Variants in SHANK2 observed in about 807,000 individuals in gnomAD.
SHANK2 encodes the protein SH3 and multiple ankyrin repeat domains protein 2.
A neutral mutation model predicts 133.7 loss-of-function variants in SHANK2; 43 were observed. The observed-to-expected ratio is 0.32, with a 90% CI of 0.25 to 0.41. SHANK2 has a LOEUF of 0.41. Among genes scored for constraint, SHANK2 ranks in the 10% least tolerant of loss-of-function variants. The pLI is 1.00. For missense variants in SHANK2, 1,994 were observed against 2,235.8 expected, an observed-to-expected ratio of 0.89 and a Z score of 2.18; for synonymous variants, 1,017 against 952.8, an observed-to-expected ratio of 1.07 and a Z score of -1.24.
chr11:70,869,782 G>A (rs1219691279), intron 11 of SHANK2, among the ~76,000 whole-genome samples: 2 of 152,204 alleles, frequency 1.3e-5, no homozygotes, highest in African/African-American at 4.8e-5. Flanking sequence ...CCATGGTGGT[G>A]TTGTTGGAAG....
At chr11:71,182,065 G>A (rs961122691) in intron 2 of SHANK2, among the ~76,000 whole-genome samples, 1 of 152,050 alleles carries the variant, frequency 6.6e-6, no homozygotes, top group South Asian at 2.1e-4. Flanking sequence ...TCTCTCCTGA[G>A]GAGGAACAGA....
intron 2 of SHANK2, among the ~76,000 whole-genome samples, chr11:71,154,612 C>T (rs1198818934): frequency 6.6e-6 from 1 of 152,226 alleles, no homozygotes; most frequent in Non-Finnish European, 1.5e-5. Flanking sequence ...CAAAAGCAGA[C>T]CTTCTGACAC....
rs781907518 is a variant in SHANK2 at position 70,686,203 on chromosome 11, TATCCATCCATCC to T, written c.1853+12473_1853+12484del. ...CCATCTACTCATCCACCCATCCATC[TATCCATCCATCC>T]ATCCATCCATCCATCCACCCACCCA... On this transcript the variant is annotated intron_variant, in intron 15 of 25. Transcript: ENST00000601538. Among the ~76,000 whole-genome samples, 6 of 101,736 alleles carry T rather than the reference TATCCATCCATCC, an allele frequency of 5.9e-5. No individual in the cohort carries two copies. In the East Asian group the frequency reaches 1.4e-3, roughly 23 times the overall value. 66.7% of individuals were successfully genotyped at this position (101,736 alleles called of 152,430 possible).
intron 11 of SHANK2, among the ~76,000 whole-genome samples, chr11:70,831,226 G>T (rs1948719983): frequency 6.6e-6 from 1 of 151,930 alleles, no homozygotes; most frequent in Non-Finnish European, 1.5e-5. Flanking sequence ...GAGTCTGTTT[G>T]TTGCCTGCCC....
chr11:70,678,532 C>CTTTTTTTTT lies in SHANK2; in HGVS notation c.1854-16863_1854-16855dup, dbSNP rs34446408. 2.5e-4 allele frequency among the ~76,000 whole-genome samples: 19 copies of CTTTTTTTTT among 77,072 alleles called. 1 individual carries two copies. Among genetic ancestry groups the CTTTTTTTTT allele is most frequent in the African/African-American group, 5.9e-4 (12 of 20,344 alleles). The allele number at this position is 77,072 out of a possible 152,430, so 50.6% of individuals were successfully genotyped here. ...TCATTTCCAGTCTGCTAAGAACAGG[C>CTTTTTTTTT]TTTTTTTTTTTTTTTTTTTTTTTGA... is the stretch of plus-strand genomic sequence containing the variant. On this transcript the variant is annotated intron_variant, in intron 15 of 25. Coordinates refer to ENST00000601538, the MANE Select transcript of SHANK2 (RefSeq NM_012309.5).
intron 3 of SHANK2, among the ~76,000 whole-genome samples, chr11:71,123,064 TCCATACGTGA>T (rs2135286330): frequency 6.6e-6 from 1 of 152,090 alleles, no homozygotes; most frequent in Admixed American, 6.5e-5. Flanking sequence ...CTCCCCTCCC[TCCATACGTGA>T]TGGGAGCCAC....
intron 11 of SHANK2, among the ~76,000 whole-genome samples, chr11:70,831,861 T>C (rs1026114110): frequency 5.3e-5 from 8 of 152,188 alleles, no homozygotes; most frequent in Non-Finnish European, 1.0e-4. Context: ...GAGCCGGACG[T>C]GGGAGTCAAG....
chr11:70,935,604 G>T (rs921838980), intron 10 of SHANK2, among the ~76,000 whole-genome samples: 5 of 152,086 alleles, frequency 3.3e-5, no homozygotes, highest in African/African-American at 1.2e-4. Context: ...TGGACATGAG[G>T]TCTTTTCTGA....
intron 1 of SHANK2, among the ~76,000 whole-genome samples, 179 bp from the exon 2 acceptor site, chr11:71,224,975 C>T (rs1954617162): frequency 6.6e-6 from 1 of 152,148 alleles, no homozygotes; most frequent in African/African-American, 2.4e-5. Context: ...AACTAAAACT[C>T]AGGATGCTGT....
At chr11:70,494,209 A>T (rs542432300) in intron 21 of SHANK2, among the ~76,000 whole-genome samples, 1 of 151,764 alleles carries the variant, frequency 6.6e-6, no homozygotes, top group East Asian at 1.9e-4. Context: ...ACCTATGGAC[A>T]CTCTCACAGT....
intron 25 of SHANK2, among the ~76,000 whole-genome samples, chr11:70,476,407 C>G (rs1230780151): frequency 6.6e-6 from 1 of 152,132 alleles, no homozygotes; most frequent in Non-Finnish European, 1.5e-5. Context: ...CCCCCCTTCT[C>G]TGGTACTCAA....
Position 71,194,545 on chromosome 11 carries a change from G to A in SHANK2, c.-13+30152C>T, listed in dbSNP as rs1187702778. Among the ~76,000 whole-genome samples, 3 of 152,226 alleles carry A rather than the reference G, an allele frequency of 2.0e-5. No individual in the cohort carries two copies. In the East Asian group the frequency reaches 5.8e-4, roughly 29 times the overall value. On this transcript the variant is annotated intron_variant, in intron 2 of 25. Transcript: ENST00000601538. ...CCAAAGAGCAGGTGCCAATGGGAGG[G>A]GGGCAGGTCCAGACAGACACAGAGT...
At chr11:70,618,929 A>T (rs1440115944) in intron 17 of SHANK2, among the ~76,000 whole-genome samples, 1 of 152,170 alleles carries the variant, frequency 6.6e-6, no homozygotes, top group Non-Finnish European at 1.5e-5. Context: ...GGGACAGGGG[A>T]CACACAGGCT....
At chr11:71,071,466 G>A in intron 9 of SHANK2, among the ~76,000 whole-genome samples, 1 of 152,234 alleles carries the variant, frequency 6.6e-6, no homozygotes, top group East Asian at 1.9e-4. Context: ...TTCCTCTCAG[G>A]TGGACCCAAG....
At chr11:70,921,222 T>A (rs782707739) in intron 10 of SHANK2, among the ~76,000 whole-genome samples, 4 of 152,226 alleles carry the variant, frequency 2.6e-5, no homozygotes, top group Non-Finnish European at 4.4e-5. Flanking sequence ...TAAACATATC[T>A]TTCAAAGCAT....
intron 15 of SHANK2, among the ~76,000 whole-genome samples, chr11:70,683,487 G>C (rs782509117): frequency 6.6e-6 from 1 of 152,226 alleles, no homozygotes; most frequent in Non-Finnish European, 1.5e-5. Context: ...GCTGCTACAT[G>C]CTCTCAGAGT....
intron 11 of SHANK2, among the ~76,000 whole-genome samples, chr11:70,825,108 A>G (rs1463611089): frequency 6.6e-6 from 1 of 152,124 alleles, no homozygotes; most frequent in Non-Finnish European, 1.5e-5. Context: ...CCGACAATGC[A>G]GCCAATTCTC....
chr11:70,660,165 C>T (rs1214161533), intron 16 of SHANK2, among the ~76,000 whole-genome samples: 2 of 152,150 alleles, frequency 1.3e-5, no homozygotes, highest in Non-Finnish European at 2.9e-5. Flanking sequence ...ACCTTGGGGC[C>T]GCCATCATAT....
intron 14 of SHANK2, among the ~76,000 whole-genome samples, chr11:70,740,189 G>A (rs1555034425): frequency 6.6e-6 from 1 of 152,068 alleles, no homozygotes; most frequent in Non-Finnish European, 1.5e-5. Flanking sequence ...GACAGTGCCT[G>A]CCACACAGCA....
Sources: allele counts gnomAD v4.1 joint callset (sites outside exome capture counted in the v4.1 genomes callset), GRCh38; gene constraint gnomAD v4.1.1; transcripts MANE v1.5; gene names NCBI Gene and HGNC (gene_info 2026-07-23, HGNC 2026-07-21).